MAP3K20: variants seen among roughly 807,000 people sequenced by gnomAD.
MAP3K20 encodes the protein mitogen-activated protein kinase kinase kinase 20.
Under a neutral mutation model 85.7 loss-of-function variants are expected in MAP3K20, and 40 were observed. That is an observed-to-expected ratio of 0.47 (90% CI 0.36 to 0.61). MAP3K20 has a LOEUF of 0.61. MAP3K20 is among the 20% of genes least tolerant of loss of function. The probability of loss-of-function intolerance (pLI) is 0.00; values close to 1 mark genes in which losing one functional copy is unlikely to be tolerated. For synonymous variants in MAP3K20, 325 were observed against 327.7 expected (o/e 0.99, Z 0.09); for missense variants, 817 against 961.7 (o/e 0.85, Z 1.99).
chr2:173,261,148 G>A lies in MAP3K20; in HGVS notation c.1551+11G>A, dbSNP rs1292717528. 6.2e-7 allele frequency: 1 copy of A among 1,613,154 alleles called. No individual in the cohort carries two copies. Among genetic ancestry groups the A allele is most frequent in the Non-Finnish European group, 8.5e-7 (1 of 1,179,384 alleles). Reference sequence around the variant, plus strand: ...ACTGTCACATATGAGGTAAGCTCTGGGGGCAAGAGGCTGGTGGCCTCACCA... The same window carrying A: ...ACTGTCACATATGAGGTAAGCTCTGAGGGCAAGAGGCTGGTGGCCTCACCA... On this transcript the variant is annotated intron_variant, in intron 18 of 19. Transcript: ENST00000375213.
intron 2 of MAP3K20, among the ~76,000 whole-genome samples, chr2:173,153,218 T>TA (rs1689356743): frequency 6.6e-6 from 1 of 152,210 alleles, no homozygotes; most frequent in Non-Finnish European, 1.5e-5. Context: ...GAGAAGTTGT[T>TA]ACGCCTCCCA....
intron 2 of MAP3K20, among the ~76,000 whole-genome samples, chr2:173,155,897 T>C (rs1689454297): frequency 6.6e-6 from 1 of 152,216 alleles, no homozygotes; most frequent in Non-Finnish European, 1.5e-5. Context: ...TTAGGATTCC[T>C]GTATTGTTAG....
At chr2:173,208,243 T>C (rs1683755503) in intron 9 of MAP3K20, among the ~76,000 whole-genome samples, 1 of 151,636 alleles carries the variant, frequency 6.6e-6, no homozygotes, top group African/African-American at 2.4e-5. Flanking sequence ...TATAAAAAAC[T>C]AAAAAATTAG....
At chr2:173,167,702 T>C (rs886954963) in intron 2 of MAP3K20, among the ~76,000 whole-genome samples, 9 of 152,278 alleles carry the variant, frequency 5.9e-5, no homozygotes, top group African/African-American at 2.2e-4. Flanking sequence ...GCACCTGAAA[T>C]GATCAATCCT....
intron 16 of MAP3K20, among the ~76,000 whole-genome samples, chr2:173,257,224 T>C (rs1327929028): frequency 6.6e-6 from 1 of 152,090 alleles, no homozygotes. Context: ...ACAGATTTAA[T>C]ATATATATTC....
intron 8 of MAP3K20, among the ~76,000 whole-genome samples, chr2:173,199,659 GTTGTTTTT>G (rs994401876): frequency 2.5e-4 from 30 of 120,102 alleles, no homozygotes; most frequent in African/African-American, 8.7e-4. Flanking sequence ...TAGGAGAAAG[GTTGTTTTT>G]TTTTTTTTTT....
Position 173,194,682 on chromosome 2 carries a change from T to C in MAP3K20, c.583-3344T>C, listed in dbSNP as rs140028686. Among the ~76,000 whole-genome samples, 1,318 of 152,202 alleles carry C rather than the reference T, an allele frequency of 8.7e-3. 15 individuals carry two copies. Among genetic ancestry groups the C allele is most frequent in the African/African-American group, 0.03 (1,235 of 41,502 alleles). ...TTTATTTGCATTAAATATCCCATTG[T>C]TCATTGGGAGTCTGTTCTGTTCATT... On this transcript the variant is annotated intron_variant, in intron 7 of 19. Transcript: ENST00000375213.
intron 16 of MAP3K20, among the ~76,000 whole-genome samples, chr2:173,254,154 G>A (rs542625807): frequency 5.2e-4 from 79 of 151,698 alleles, no homozygotes; most frequent in Non-Finnish European, 8.8e-4. Context: ...AGTGGCTCAC[G>A]CCTGTAATCC....
chr2:173,113,009 T>C (rs1333793921), intron 2 of MAP3K20, among the ~76,000 whole-genome samples: 1 of 152,128 alleles, frequency 6.6e-6, no homozygotes, highest in Non-Finnish European at 1.5e-5. Flanking sequence ...ATTCTTTGAA[T>C]GTCTGCTAGA....
At chr2:173,139,253 A>G (rs190258351) in intron 2 of MAP3K20, among the ~76,000 whole-genome samples, 5 of 152,292 alleles carry the variant, frequency 3.3e-5, no homozygotes, top group African/African-American at 1.2e-4. Flanking sequence ...TCAGCTTTGG[A>G]AAGGACTTTA....
intron 2 of MAP3K20, among the ~76,000 whole-genome samples, chr2:173,096,344 CTT>C (rs11389136): frequency 5.5e-5 from 8 of 144,566 alleles, no homozygotes; most frequent in Admixed American, 1.4e-4. Context: ...TTCTTTTTTC[CTT>C]TTTTTTTTTT....
At chr2:173,209,564 CTGAGTGATCTGATGATTG>C (rs1181722840) in intron 9 of MAP3K20, 147 bp from the exon 10 acceptor site, 8 of 564,962 alleles carry the variant, frequency 1.4e-5, no homozygotes, top group Non-Finnish European at 2.1e-5. Flanking sequence ...CTCCCTAAAC[CTGAGTGATCTGATGATTG>C]TAAAATAACT....
At chr2:173,257,156 C>T (rs968035808) in intron 16 of MAP3K20, among the ~76,000 whole-genome samples, 2 of 151,740 alleles carry the variant, frequency 1.3e-5, no homozygotes, top group East Asian at 1.9e-4. Flanking sequence ...AGAGCAAGAC[C>T]CTGTCTCAAA....
At chr2:173,245,751 G>A (rs113981754) in intron 16 of MAP3K20, among the ~76,000 whole-genome samples, 20,458 of 152,156 alleles carry the variant, frequency 0.13, 2,315 homozygotes, top group African/African-American at 0.3. Flanking sequence ...GGCCAACATG[G>A]TGAAACCCCA....
intron 2 of MAP3K20, among the ~76,000 whole-genome samples, chr2:173,162,979 C>G (rs981102244): frequency 6.6e-6 from 1 of 152,130 alleles, no homozygotes; most frequent in African/African-American, 2.4e-5. Flanking sequence ...GCTTCATAAA[C>G]GATTGCTTTC....
At chr2:173,220,646 A>G (rs936737602) in intron 11 of MAP3K20, among the ~76,000 whole-genome samples, 4 of 152,226 alleles carry the variant, frequency 2.6e-5, no homozygotes, top group African/African-American at 4.8e-5. Flanking sequence ...AAGGGAGTTA[A>G]TAACCCACAT....
At chr2:173,105,284 A>C (rs1033184000) in intron 2 of MAP3K20, among the ~76,000 whole-genome samples, 1 of 152,106 alleles carries the variant, frequency 6.6e-6, no homozygotes, top group Non-Finnish European at 1.5e-5. Flanking sequence ...AAGTGGTTGA[A>C]TTTGGGGTAG....
At chr2:173,100,685 G>A (rs1228755747) in intron 2 of MAP3K20, among the ~76,000 whole-genome samples, 2 of 152,136 alleles carry the variant, frequency 1.3e-5, no homozygotes, top group Non-Finnish European at 2.9e-5. Context: ...TAGGGTTCCT[G>A]ATGTCTGGTT....
chr2:173,237,269 C>T (rs1036739046), intron 14 of MAP3K20, among the ~76,000 whole-genome samples: 28 of 151,888 alleles, frequency 1.8e-4, no homozygotes, highest in Admixed American at 1.2e-3. Flanking sequence ...CCTCATGATC[C>T]GCCCACCTCA....
Sources: allele counts gnomAD v4.1 joint callset (sites outside exome capture counted in the v4.1 genomes callset), GRCh38; gene constraint gnomAD v4.1.1; transcripts MANE v1.5; gene names NCBI Gene and HGNC (gene_info 2026-07-23, HGNC 2026-07-21).